The following SLC4A5 variants were observed in gnomAD, a reference collection of about 807,000 sequenced individuals.
SLC4A5 encodes solute carrier family 4 member 5, also known as electrogenic sodium bicarbonate cotransporter 4.
In SLC4A5, 96 loss-of-function variants were observed where a neutral mutation model predicts 120.4. That is an observed-to-expected ratio of 0.80 (90% CI 0.68 to 0.94). The LOEUF is 0.94. Ranked by LOEUF, SLC4A5 falls within the 40% of genes least tolerant of loss-of-function variation. SLC4A5 has a pLI of 0.00. For missense variants in SLC4A5, 1,259 were observed against 1,459.5 expected (o/e 0.86, Z 2.24); for synonymous variants, 550 against 571.1 (o/e 0.96, Z 0.53).
intron 25 of SLC4A5, 27 bp from the exon 26 acceptor site, chr2:74,227,905 G>T: frequency 6.4e-7 from 1 of 1,568,426 alleles, no homozygotes; most frequent in Non-Finnish European, 8.6e-7. Flanking sequence ...GCTTTGGATC[G>T]GCCTCTGCCT....
At chr2:74,307,991 A>G in intron 6 of SLC4A5, 1 of 554,910 alleles carries the variant, frequency 1.8e-6, no homozygotes, top group Non-Finnish European at 3.6e-6. Context: ...AGAAGGTGGA[A>G]CGAGTGGTGA....
chr2:74,297,468 C>G (rs1187688407), intron 7 of SLC4A5, among the ~76,000 whole-genome samples: 1 of 152,156 alleles, frequency 6.6e-6, no homozygotes, highest in Non-Finnish European at 1.5e-5. Context: ...CTTTCACTCT[C>G]CAGATGAGAA....
chr2:74,226,454 C>G (rs939433744), intron 27 of SLC4A5, among the ~76,000 whole-genome samples: 3 of 152,178 alleles, frequency 2.0e-5, no homozygotes, highest in African/African-American at 7.2e-5. Flanking sequence ...AGTGAAAGAC[C>G]TGTAACCTTT....
At chr2:74,239,648 C>T in intron 20 of SLC4A5, 113 bp from the exon 21 acceptor site, 1 of 961,964 alleles carries the variant, frequency 1.0e-6, no homozygotes, top group Non-Finnish European at 1.6e-6. Flanking sequence ...TCTGAGGGAC[C>T]CCAGCCCCCC....
intron 7 of SLC4A5, among the ~76,000 whole-genome samples, chr2:74,297,440 T>C (rs1051578301): frequency 6.6e-6 from 1 of 152,132 alleles, no homozygotes; most frequent in African/African-American, 2.4e-5. Flanking sequence ...CTGAAACAAT[T>C]GGCCACCCTG....
chr2:74,330,943 T>C (rs553376314), intron 4 of SLC4A5, among the ~76,000 whole-genome samples: 47 of 144,814 alleles, frequency 3.2e-4, no homozygotes, highest in African/African-American at 1.1e-3. Flanking sequence ...TGGTGAGTTA[T>C]AGGTGAGGGT....
chr2:74,235,860 C>T lies in SLC4A5; in HGVS notation c.2320-646G>A, dbSNP rs180827030. The stretch of plus-strand genomic sequence containing the variant: ...CTGCCCATTCTGAATCAATGTCCTC[C>T]GACCTCCCCTCCAAACCAACTCTAT... On this transcript the variant is annotated intron_variant, in intron 21 of 30. Coordinates refer to ENST00000394019, the Ensembl canonical transcript of SLC4A5. 8.5e-5 allele frequency among the ~76,000 whole-genome samples: 13 copies of T among 152,244 alleles called. No homozygotes were observed. In the East Asian group the frequency reaches 1.5e-3, roughly 18 times the overall value.
rs773140463 is a variant in SLC4A5, at chr2:74,239,413, G to A, written c.2241C>T (p.Ser747=). Residue 747 remains serine, a synonymous_variant, in exon 21 of 31, where the codon TCC becomes TCT. Transcript: ENST00000394019. Reference sequence around the variant, plus strand: ...AGTATGTCCCAAAGAAAAGGATGAAGGACATGAGCGCCAGGTCTGGGATAA... The same window carrying A: ...AGTATGTCCCAAAGAAAAGGATGAAAGACATGAGCGCCAGGTCTGGGATAA... 3 of 1,614,208 alleles carry A rather than the reference G, an allele frequency of 1.9e-6. No individual in the cohort carries two copies. The East Asian group carries it at 6.7e-5, about 36-fold the overall frequency.
At chr2:74,306,636 G>A in intron 6 of SLC4A5, 1 of 459,448 alleles carries the variant, frequency 2.2e-6, no homozygotes, top group Non-Finnish European at 3.8e-6. Flanking sequence ...TGTTTTCAAG[G>A]TTTGATAGTT....
chr2:74,265,063 A>G (rs1207402346), intron 9 of SLC4A5, 41 bp downstream of exon 9: 3 of 1,582,674 alleles, frequency 1.9e-6, no homozygotes, highest in Non-Finnish European at 2.6e-6. Flanking sequence ...CCTGGTTTGC[A>G]GGGACCACAG....
chr2:74,236,128 C>A (rs1320929391), intron 21 of SLC4A5, among the ~76,000 whole-genome samples: 2 of 152,170 alleles, frequency 1.3e-5, no homozygotes, highest in Non-Finnish European at 2.9e-5. Context: ...CTCAATCCAG[C>A]CCCGCCTTCC....
exon 7 of SLC4A5, chr2:74,304,604 T>C: frequency 1.2e-6 from 2 of 1,614,202 alleles, no homozygotes; most frequent in Non-Finnish European, 1.7e-6. Flanking sequence ...TTTGCAGGCC[T>C]GAAAGATGTC....
chr2:74,276,844 C>T (rs1265062543), intron 8 of SLC4A5, among the ~76,000 whole-genome samples: 3 of 151,848 alleles, frequency 2.0e-5, no homozygotes, highest in Admixed American at 6.6e-5. Flanking sequence ...AATTTGGAAT[C>T]GCTGTGGGAT....
chr2:74,252,487 A>C, intron 15 of SLC4A5, 99 bp from the exon 16 acceptor site: 1 of 1,440,070 alleles, frequency 6.9e-7, no homozygotes, highest in Non-Finnish European at 9.4e-7. Context: ...ACAAAAATGC[A>C]GAAAATTGTC....
At chr2:74,286,078 G>A (rs993480943) in intron 7 of SLC4A5, among the ~76,000 whole-genome samples, 176 bp from the exon 8 acceptor site, 5 of 152,194 alleles carry the variant, frequency 3.3e-5, no homozygotes, top group African/African-American at 4.8e-5. Context: ...AGAGGTGGGC[G>A]AGATACTCTT....
chr2:74,260,298 C>T (rs1671094856), intron 11 of SLC4A5, among the ~76,000 whole-genome samples: 1 of 152,144 alleles, frequency 6.6e-6, no homozygotes, highest in African/African-American at 2.4e-5. Flanking sequence ...GAATGCTGCT[C>T]CTCTTGGCTC....
Position 74,304,559 on chromosome 2 carries a change from C to T in SLC4A5, c.201G>A (p.Gln67=), listed in dbSNP as rs746344178. The T allele has an allele frequency of 1.2e-5, 19 of 1,614,086 alleles. No individual in the cohort carries two copies. The highest frequency in any genetic ancestry group is 2.2e-5 in the South Asian group (2 of 91,082). The change falls in exon 7 of 31, where the codon CAG becomes CAA. Residue 67 remains glutamine (Q), a synonymous_variant. Transcript: ENST00000394019. ...CACTCCCTGGGCCAGTCAGTTCCTG[C>T]TGTGGCTGGTCTGGCCGCAGGCCCC...
chr2:74,322,872 A>C (rs907206918), intron 5 of SLC4A5, among the ~76,000 whole-genome samples: 2 of 152,192 alleles, frequency 1.3e-5, no homozygotes, highest in African/African-American at 4.8e-5. Context: ...AGAGTAAAAC[A>C]ATCAGAAACA....
At chr2:74,282,499 G>C (rs1433681862) in intron 8 of SLC4A5, among the ~76,000 whole-genome samples, 1 of 152,238 alleles carries the variant, frequency 6.6e-6, no homozygotes, top group African/African-American at 2.4e-5. Flanking sequence ...TCTTCAGAAA[G>C]CCTGCTTTGC....
Sources: gnomAD v4.1 joint callset for allele counts (sites outside exome capture counted in the v4.1 genomes callset) on GRCh38, gnomAD v4.1.1 for gene constraint, MANE v1.5 for transcripts, NCBI Gene and HGNC (gene_info 2026-07-23, HGNC 2026-07-21) for gene names.